Variants in YES1 observed in about 807,000 individuals in gnomAD.
YES1 encodes the protein tyrosine-protein kinase Yes.
Under a neutral mutation model 70.4 loss-of-function variants are expected in YES1, and 39 were observed. That is an observed-to-expected ratio of 0.55 (90% CI 0.43 to 0.72). YES1 has a LOEUF of 0.72. YES1 is among the 30% of genes least tolerant of loss of function. YES1 has a pLI of 0.00. For synonymous variants in YES1, 198 were observed against 218.6 expected, an observed-to-expected ratio of 0.91 and a Z score of 0.83; for missense variants, 495 against 644.8, an observed-to-expected ratio of 0.77 and a Z score of 2.52.
rs975906667 is a variant in YES1, at chr18:743,012, C to T, written c.966G>A (p.Gln322=). 1.9e-6 allele frequency: 3 copies of T among 1,611,950 alleles called. No individual in the cohort carries two copies. Among genetic ancestry groups the T allele is most frequent in the African/African-American group, 1.3e-5 (1 of 74,812 alleles). Residue 322 remains glutamine (Q), a synonymous_variant, in exon 8 of 12, where the codon CAG becomes CAA. Coordinates refer to ENST00000314574, the MANE Select transcript of YES1 (RefSeq NM_005433.4). ...MMPEAFLQEA[Q]IMKKLRHDKL... is the part of the protein sequence containing the mutation. Reference sequence around the variant, plus strand: ...TATCATGTCTTAATTTTTTCATTATCTGAGCTTCTTGAAGGAAAGCTTCTG... The same window carrying T: ...TATCATGTCTTAATTTTTTCATTATTTGAGCTTCTTGAAGGAAAGCTTCTG...
intron 11 of YES1, among the ~76,000 whole-genome samples, chr18:729,451 TTTGA>T (rs1351825896): frequency 2.0e-5 from 3 of 149,068 alleles, no homozygotes; most frequent in Non-Finnish European, 4.5e-5. Flanking sequence ...ACAATTTCCA[TTTGA>T]TTCTTTTTTT....
intron 1 of YES1, among the ~76,000 whole-genome samples, chr18:765,472 C>A (rs1461424369): frequency 5.4e-5 from 8 of 147,452 alleles, no homozygotes; most frequent in African/African-American, 2.0e-4. Context: ...GATCTTGGCT[C>A]AGTGCAACCT....
chr18:790,842 G>C (rs1419286745), intron 1 of YES1, among the ~76,000 whole-genome samples: 1 of 152,190 alleles, frequency 6.6e-6, no homozygotes, highest in African/African-American at 2.4e-5. Flanking sequence ...ATGCTTTCTT[G>C]GTTGTAGTAT....
intron 4 of YES1, among the ~76,000 whole-genome samples, chr18:747,081 T>C (rs1181860513): frequency 1.3e-5 from 2 of 152,202 alleles, no homozygotes; most frequent in East Asian, 1.9e-4. Context: ...TAAAACTAAC[T>C]GAAAGTAATA....
At chr18:771,405 A>C (rs2145778244) in intron 1 of YES1, among the ~76,000 whole-genome samples, 1 of 152,164 alleles carries the variant, frequency 6.6e-6, no homozygotes, top group South Asian at 2.1e-4. Flanking sequence ...AGAGGGTATT[A>C]TTTCTTAAAT....
chr18:778,125 T>C (rs1023863822), intron 1 of YES1, among the ~76,000 whole-genome samples: 2 of 152,214 alleles, frequency 1.3e-5, no homozygotes, highest in Admixed American at 1.3e-4. Context: ...CTCTACATTT[T>C]ACATTTGAAG....
At chr18:811,449 G>A (rs1413098705) in intron 1 of YES1, among the ~76,000 whole-genome samples, 1 of 152,166 alleles carries the variant, frequency 6.6e-6, no homozygotes, top group Admixed American at 6.5e-5. Context: ...CAATTATCAA[G>A]AAGAAAAACA....
intron 1 of YES1, among the ~76,000 whole-genome samples, chr18:780,086 T>G (rs903256786): frequency 1.3e-5 from 2 of 151,978 alleles, no homozygotes; most frequent in Non-Finnish European, 2.9e-5. Context: ...ATACAAAAAT[T>G]AGCCAGGCGC....
At chr18:787,039 G>A (rs1004365109) in intron 1 of YES1, among the ~76,000 whole-genome samples, 3 of 142,230 alleles carry the variant, frequency 2.1e-5, no homozygotes, top group African/African-American at 7.8e-5. Context: ...TAGAAAAGAT[G>A]GCCAAAATTA....
intron 1 of YES1, among the ~76,000 whole-genome samples, chr18:764,463 C>A (rs1215122217): frequency 3.9e-5 from 6 of 152,156 alleles, no homozygotes; most frequent in African/African-American, 9.7e-5. Flanking sequence ...CTCAAGTGAT[C>A]CACCTGCCTT....
At chr18:792,554 T>TCC (rs71174291) in intron 1 of YES1, among the ~76,000 whole-genome samples, 31,204 of 126,880 alleles carry the variant, frequency 0.25, 3,584 homozygotes, top group African/African-American at 0.32. Context: ...TCTCTCTCTC[T>TCC]CCCTCTGTAT....
chr18:793,617 G>A (rs1416825408), intron 1 of YES1, among the ~76,000 whole-genome samples: 4 of 152,180 alleles, frequency 2.6e-5, no homozygotes, highest in Non-Finnish European at 5.9e-5. Flanking sequence ...GATTACAGGT[G>A]TGAGCCACTG....
chr18:793,714 AAAAATATATTGAGAAAT>A (rs1306567833), intron 1 of YES1, among the ~76,000 whole-genome samples: 2 of 152,208 alleles, frequency 1.3e-5, no homozygotes, highest in African/African-American at 2.4e-5. Context: ...GAGCAGCTAC[AAAAATATATTGAGAAAT>A]AAGTAGTTTT....
intron 1 of YES1, among the ~76,000 whole-genome samples, chr18:808,930 T>C (rs540939076): frequency 6.6e-6 from 1 of 152,358 alleles, no homozygotes; most frequent in African/African-American, 2.4e-5. Context: ...TTTCATGGCA[T>C]TCTTAAGAAT....
At chr18:810,647 A>T (rs1384781765) in intron 1 of YES1, among the ~76,000 whole-genome samples, 1 of 152,194 alleles carries the variant, frequency 6.6e-6, no homozygotes, top group Non-Finnish European at 1.5e-5. Context: ...TCTTTTTCAA[A>T]TGTAGGACCC....
chr18:760,806 A>T (rs1904552969), intron 1 of YES1, among the ~76,000 whole-genome samples: 1 of 152,196 alleles, frequency 6.6e-6, no homozygotes, highest in Admixed American at 6.5e-5. Flanking sequence ...TGAGAGGGGC[A>T]GGGGTGGGGA....
chr18:775,828 A>G (rs544271106), intron 1 of YES1, among the ~76,000 whole-genome samples: 4 of 152,182 alleles, frequency 2.6e-5, no homozygotes, highest in African/African-American at 7.2e-5. Flanking sequence ...AGAATCATAT[A>G]TAATGCATTA....
intron 1 of YES1, among the ~76,000 whole-genome samples, chr18:793,214 T>C (rs890991952): frequency 1.1e-4 from 17 of 152,198 alleles, no homozygotes; most frequent in Admixed American, 9.2e-4. Context: ...TGATTTTTTG[T>C]ATTTTTAGTA....
chr18:745,494 C>G (rs1470093386), intron 6 of YES1, among the ~76,000 whole-genome samples: 2 of 152,004 alleles, frequency 1.3e-5, no homozygotes, highest in Non-Finnish European at 2.9e-5. Flanking sequence ...ATATAAGGAC[C>G]CAAATGATGA....
Sources: allele counts gnomAD v4.1 joint callset (sites outside exome capture counted in the v4.1 genomes callset), GRCh38; gene constraint gnomAD v4.1.1; transcripts MANE v1.5; gene names NCBI Gene and HGNC (gene_info 2026-07-23, HGNC 2026-07-21).